Variants in SLC12A8 observed in about 807,000 individuals in gnomAD.
The protein encoded by SLC12A8 is solute carrier family 12 member 8, also known as cation-chloride cotransporter 9.
SLC12A8 carries 69 observed loss-of-function variants against 75.6 expected under a neutral mutation model. The ratio of observed to expected loss-of-function variants is 0.91; its 90% confidence interval spans 0.75 to 1.11. SLC12A8 has a LOEUF of 1.11. Ranked by LOEUF, SLC12A8 falls within the 50% of genes most tolerant of loss-of-function variation. SLC12A8 has a pLI of 0.00. For synonymous variants in SLC12A8, 365 were observed against 372.8 expected (o/e 0.98, Z 0.24); for missense variants, 877 against 896.7 (o/e 0.98, Z 0.28).
intron 5 of SLC12A8, among the ~76,000 whole-genome samples, chr3:125,177,541 G>A (rs55779328): frequency 0.063 from 9,538 of 151,990 alleles, 436 homozygotes; most frequent in Non-Finnish European, 0.097. Context: ...TGTGCTAGGC[G>A]ATGTCTGTGT....
rs1250440754 is a variant in SLC12A8 at position 125,120,622 on chromosome 3, G to C, written c.801C>G (p.Gly267=). The change falls in exon 7 of 14, where the codon GGC becomes GGG. Residue 267 remains glycine (G), a synonymous_variant. Transcript: ENST00000469902. ...ACGAGATGCCAACAGCTGCCAGGGA[G>C]CCCAGGGGAATGCTGGCGGCAGGCT... ...LREPAASIPL[G]SLAAVGISWF... 1.2e-6 allele frequency: 2 copies of C among 1,613,730 alleles called. No individual in the cohort carries two copies. The highest frequency in any genetic ancestry group is 2.2e-5 in the East Asian group (1 of 44,878).
intron 9 of SLC12A8, among the ~76,000 whole-genome samples, chr3:125,108,892 T>TCA (rs1045952102): frequency 1.3e-5 from 2 of 152,040 alleles, no homozygotes; most frequent in African/African-American, 4.8e-5. Flanking sequence ...CCGCAAATAC[T>TCA]CACACACACA....
chr3:125,204,721 GA>G (rs1368099699), intron 2 of SLC12A8, among the ~76,000 whole-genome samples: 2 of 152,130 alleles, frequency 1.3e-5, no homozygotes, highest in Non-Finnish European at 2.9e-5. Flanking sequence ...AGCTAGAGGA[GA>G]AGATTTGAAA....
Position 125,083,925 on chromosome 3 carries a change from G to C in SLC12A8, c.2110C>G (p.Leu704Val). The C allele has an allele frequency of 6.2e-7, 1 of 1,613,518 alleles. No individual in the cohort carries two copies. Among genetic ancestry groups the C allele is most frequent in the Non-Finnish European group, 8.5e-7 (1 of 1,179,850 alleles). The change falls in exon 14 of 14, where the codon CTC becomes GTC. Residue 704 changes from leucine to valine, a missense_variant. Coordinates refer to ENST00000469902, the MANE Select transcript of SLC12A8 (RefSeq NM_024628.6). ...GGCATCAGCTGCTCCCGGTTCACGA[G>C]GGAGGAGTGGTGGTAGCGATCCCGA... The part of the protein sequence containing the change: ...ATRDRYHHSS[L>V]VNREQLMPHY
intron 2 of SLC12A8, among the ~76,000 whole-genome samples, chr3:125,193,156 G>A (rs1934939594): frequency 2.0e-5 from 3 of 152,192 alleles, no homozygotes; most frequent in Non-Finnish European, 2.9e-5. Context: ...ATCACTTGAG[G>A]TCAGGGGTTT....
At position 125,110,174 on chromosome 3, in the gene SLC12A8, AAG is replaced by A. The variant is rs374034886; in HGVS notation, c.1059+13_1059+14del. 38 of 1,600,934 alleles carry A rather than the reference AAG, an allele frequency of 2.4e-5. 2 individuals carry two copies. Among genetic ancestry groups the A allele is most frequent in the African/African-American group, 2.3e-4 (17 of 74,484 alleles). On this transcript the variant is annotated intron_variant, in intron 9 of 13. Transcript: ENST00000469902. ...CATGTTTCAAAAAACAAACCAAAAA[AAG>A]AGGATTACTCACCCCTTGTCCCAGA...
At chr3:125,156,769 C>T (rs1302655351) in intron 5 of SLC12A8, among the ~76,000 whole-genome samples, 3 of 152,216 alleles carry the variant, frequency 2.0e-5, no homozygotes, top group Admixed American at 6.5e-5. Context: ...CAATTGCAAC[C>T]ACGTTTGAAG....
intron 2 of SLC12A8, among the ~76,000 whole-genome samples, chr3:125,204,821 C>A (rs1014944310): frequency 2.0e-5 from 3 of 152,024 alleles, no homozygotes; most frequent in Non-Finnish European, 2.9e-5. Context: ...ATATATGTAC[C>A]AAAATATCAT....
Position 125,142,018 on chromosome 3 carries a change from G to A in SLC12A8, c.623-6236C>T, listed in dbSNP as rs75303442. Among the ~76,000 whole-genome samples, 936 of 152,336 alleles carry A rather than the reference G, an allele frequency of 6.1e-3. 6 individuals carry two copies. Among genetic ancestry groups the A allele is most frequent in the African/African-American group, 0.021 (893 of 41,572 alleles). The stretch of plus-strand genomic sequence containing the variant: ...AGACTGCGCGAGGCTCCTCAGCAAA[G>A]GAAGTGGGCGCGGCGCGCACGCAAG... On this transcript the variant is annotated intron_variant, in intron 5 of 13. Coordinates refer to ENST00000469902, the MANE Select transcript of SLC12A8 (RefSeq NM_024628.6).
At chr3:125,125,084 G>A (rs1373134828) in intron 6 of SLC12A8, among the ~76,000 whole-genome samples, 2 of 150,202 alleles carry the variant, frequency 1.3e-5, no homozygotes, top group Non-Finnish European at 2.9e-5. Flanking sequence ...GAGAAATACA[G>A]CACACAGTTT....
intron 10 of SLC12A8, among the ~76,000 whole-genome samples, chr3:125,096,599 T>C (rs1457281725): frequency 6.6e-6 from 1 of 152,218 alleles, no homozygotes; most frequent in Non-Finnish European, 1.5e-5. Flanking sequence ...TATCTTTTTT[T>C]ACATCTGTAC....
chr3:125,124,454 G>A (rs948319885), intron 6 of SLC12A8, among the ~76,000 whole-genome samples: 1 of 152,294 alleles, frequency 6.6e-6, no homozygotes. Flanking sequence ...AGCCTCCCAA[G>A]TAGTTGGGAT....
intron 10 of SLC12A8, among the ~76,000 whole-genome samples, chr3:125,093,432 T>C (rs1938635714): frequency 6.6e-6 from 1 of 152,086 alleles, no homozygotes; most frequent in Non-Finnish European, 1.5e-5. Flanking sequence ...CATATACCAG[T>C]GTTCTTCCCC....
chr3:125,193,180 T>C (rs1025906768), intron 2 of SLC12A8, among the ~76,000 whole-genome samples: 14 of 152,202 alleles, frequency 9.2e-5, no homozygotes, highest in Admixed American at 2.6e-4. Flanking sequence ...ACCAGCCTCG[T>C]TAACATGGCG....
chr3:125,119,783 A>G (rs1933000632), intron 7 of SLC12A8: 3 of 444,584 alleles, frequency 6.7e-6, no homozygotes, highest in South Asian at 4.8e-5. Context: ...TTTTCTAAAT[A>G]CTGTGGTTAG....
chr3:125,118,888 C>T (rs1472796042), intron 7 of SLC12A8, 32 bp from the exon 8 acceptor site: 1 of 1,434,314 alleles, frequency 7.0e-7, no homozygotes, highest in East Asian at 2.3e-5. Flanking sequence ...CAGAGCTGCC[C>T]CCGACTCACC....
intron 6 of SLC12A8, among the ~76,000 whole-genome samples, chr3:125,126,439 T>C (rs1427026634): frequency 6.6e-6 from 1 of 152,158 alleles, no homozygotes; most frequent in Admixed American, 6.5e-5. Context: ...TTGGGTAAAA[T>C]AACCAGTGTA....
intron 13 of SLC12A8, among the ~76,000 whole-genome samples, 198 bp from the exon 14 acceptor site, chr3:125,084,250 A>G (rs200868238): frequency 1.3e-4 from 19 of 151,486 alleles, no homozygotes; most frequent in African/African-American, 4.4e-4. Flanking sequence ...ATAAAATAAA[A>G]AGAGACAGAG....
At chr3:125,211,235 C>A in intron 2 of SLC12A8, 64 bp downstream of exon 2, 1 of 1,333,366 alleles carries the variant, frequency 7.5e-7, no homozygotes, top group Non-Finnish European at 1.1e-6. Flanking sequence ...GCATCCAGCC[C>A]ACTGTCTGGG....
Sources: gnomAD v4.1 joint callset for allele counts (sites outside exome capture counted in the v4.1 genomes callset) on GRCh38, gnomAD v4.1.1 for gene constraint, MANE v1.5 for transcripts, NCBI Gene and HGNC (gene_info 2026-07-23, HGNC 2026-07-21) for gene names.